PAX8: variants seen among roughly 807,000 people sequenced by gnomAD.
PAX8 encodes the protein paired box 8.
A neutral mutation model predicts 52.4 loss-of-function variants in PAX8; 15 were observed. The ratio of observed to expected loss-of-function variants is 0.29; its 90% CI spans 0.19 to 0.44. The LOEUF (loss-of-function observed/expected upper bound fraction) is 0.44. Ranked by LOEUF, PAX8 falls within the 20% of genes least tolerant of loss-of-function variation. PAX8 has a pLI of 1.00. For synonymous variants in PAX8, 284 were observed against 249.7 expected (o/e 1.14, Z -1.29); for missense variants, 554 against 602.5 (o/e 0.92, Z 0.84).
intron 10 of PAX8, among the ~76,000 whole-genome samples, chr2:113,225,391 T>C (rs964055659): frequency 3.3e-5 from 5 of 152,336 alleles, no homozygotes; most frequent in Non-Finnish European, 5.9e-5. Context: ...GAGACGGACA[T>C]AGAATTTTTC....
At chr2:113,255,692 G>A (rs73955186) in intron 2 of PAX8, 1 of 152,062 alleles carries the variant, frequency 6.6e-6, no homozygotes, top group African/African-American at 2.4e-5. Context: ...CTAGTCTTTG[G>A]AGTCTGAGCC....
intron 9 of PAX8, among the ~76,000 whole-genome samples, chr2:113,227,542 A>AATCC (rs1270701386): frequency 6.6e-6 from 1 of 152,184 alleles, no homozygotes; most frequent in East Asian, 1.9e-4. Context: ...TTATCTTATT[A>AATCC]ATCCACAAGA....
chr2:113,267,341 T>A (rs1033950259), intron 2 of PAX8: 1 of 152,208 alleles, frequency 6.6e-6, no homozygotes, highest in Non-Finnish European at 1.5e-5. Context: ...AGAGACCTAG[T>A]GGTGCTAGGG....
intron 2 of PAX8, chr2:113,266,924 T>C (rs953277061): frequency 6.6e-6 from 1 of 152,232 alleles, no homozygotes; most frequent in Non-Finnish European, 1.5e-5. Flanking sequence ...TATATAAATA[T>C]TGGTTGATCA....
At chr2:113,244,323 TC>T (rs1691133037) in intron 4 of PAX8, 103 bp downstream of exon 4, 1 of 882,598 alleles carries the variant, frequency 1.1e-6, no homozygotes, top group African/African-American at 1.6e-5. Context: ...TCAGGCCCCT[TC>T]CCGGCCTCTG....
At chr2:113,264,257 A>G (rs575396622) in intron 2 of PAX8, among the ~76,000 whole-genome samples, 1 of 152,338 alleles carries the variant, frequency 6.6e-6, no homozygotes, top group South Asian at 2.1e-4. Context: ...GCCTTCAAGC[A>G]TAGGCTTCTG....
Position 113,216,724 on chromosome 2 carries a change from G to T in PAX8, c.*1809C>A, listed in dbSNP as rs1689039803. The T allele has an allele frequency of 4.4e-6, 1 of 227,222 alleles. No individual in the cohort carries two copies. Among genetic ancestry groups the T allele is most frequent in the East Asian group, 6.3e-5 (1 of 15,858 alleles). 14.1% of individuals were successfully genotyped at this position (227,222 alleles called of 1,614,324 possible). On this transcript the variant is annotated 3_prime_UTR_variant, in exon 12 of 12. Transcript: ENST00000429538. ...CAAATCAAAAGAAATTAAATCCCCA[G>T]TGGCAGCTCCAGAACCTCCACTGGG...
chr2:113,254,263 C>G (rs1692023332), intron 2 of PAX8, among the ~76,000 whole-genome samples: 1 of 152,232 alleles, frequency 6.6e-6, no homozygotes. Flanking sequence ...GAATTGATTT[C>G]TACCTTCATG....
intron 5 of PAX8, 42 bp from the exon 6 acceptor site, chr2:113,242,172 A>T: frequency 1.3e-6 from 2 of 1,573,064 alleles, no homozygotes; most frequent in South Asian, 2.2e-5. Flanking sequence ...TGGGAGTGAC[A>T]CCCCTCACAG....
intron 2 of PAX8, among the ~76,000 whole-genome samples, chr2:113,254,419 G>A (rs936113234): frequency 2.0e-5 from 3 of 152,184 alleles, no homozygotes; most frequent in Non-Finnish European, 4.4e-5. Flanking sequence ...GAGAGAATGA[G>A]CTCAAGCTGA....
chr2:113,242,668 A>G (rs1690961927), intron 5 of PAX8, 22 bp downstream of exon 5: 4 of 1,546,426 alleles, frequency 2.6e-6, no homozygotes, highest in Non-Finnish European at 3.6e-6. Flanking sequence ...ATGTGTGTGT[A>G]TCCAGGTCTC....
In PAX8 at chr2:113,244,612, A is replaced by G; in HGVS notation, c.204T>C (p.Thr68=). ...CTATCACTCCAGGCCGGATGCTGCCAGTCTCGTAGTACCTACTCCAATAGA... is the reference window on the plus strand; with the variant it reads ...CTATCACTCCAGGCCGGATGCTGCCGGTCTCGTAGTACCTACTCCAATAGA... ...VSKILGRYYE[T]GSIRPGVIGG... The change falls in exon 4 of 12, where the codon ACT becomes ACC. Residue 68 remains threonine, a synonymous_variant. Transcript: ENST00000429538. The G allele has an allele frequency of 6.2e-7, 1 of 1,614,116 alleles. No individual in the cohort carries two copies. The highest frequency in any genetic ancestry group is 8.5e-7 in the Non-Finnish European group (1 of 1,179,946).
rs376583747 is a variant in PAX8 at position 113,248,170 on chromosome 2, G to A, written c.26-1251C>T. Among the ~76,000 whole-genome samples the A allele has an allele frequency of 1.6e-4, 25 of 152,312 alleles. No individual in the cohort carries two copies. The South Asian group carries it at 4.3e-3, about 26-fold the overall frequency. On this transcript the variant is annotated intron_variant, in intron 2 of 11. Coordinates refer to ENST00000429538, the MANE Select transcript of PAX8 (RefSeq NM_003466.4). ...GCCATACTGGGCTAATTTCAGGGCC[G>A]AGATTTCCATTTTTCTCATGAGGAG...
At chr2:113,236,492 C>G (rs1391587803) in intron 8 of PAX8, 109 bp downstream of exon 8, 1 of 1,329,210 alleles carries the variant, frequency 7.5e-7, no homozygotes, top group East Asian at 2.5e-5. Flanking sequence ...CCGGCCGGCA[C>G]AGCCCGCCTC....
intron 10 of PAX8, chr2:113,225,513 G>A (rs564942193): frequency 1.3e-5 from 2 of 152,344 alleles, no homozygotes; most frequent in African/African-American, 4.8e-5. Flanking sequence ...AACTCACTGG[G>A]AGCCCAACTG....
Position 113,236,816 on chromosome 2 carries a change from ATCTCCCC to A in PAX8, c.778-102_778-96del, listed in dbSNP as rs1452806281. 3 of 1,447,082 alleles carry A rather than the reference ATCTCCCC, an allele frequency of 2.1e-6. No homozygotes were observed. In the African/African-American group the frequency reaches 4.2e-5, roughly 20 times the overall value. 89.6% of individuals were successfully genotyped at this position (1,447,082 alleles called of 1,614,324 possible). On this transcript the variant is annotated intron_variant, in intron 7 of 11. Transcript: ENST00000429538. ...TGTGTCTTAGGACTTGGCAGCCCTC[ATCTCCCC>A]AGGAGAGGTCCTCATCGCCCCCTTC... is the stretch of plus-strand genomic sequence containing the variant.
chr2:113,229,421 T>G (rs952083328), intron 9 of PAX8, among the ~76,000 whole-genome samples: 3 of 152,246 alleles, frequency 2.0e-5, no homozygotes, highest in Non-Finnish European at 4.4e-5. Flanking sequence ...GCCAGTGAAC[T>G]CCTACAGAAT....
At chr2:113,229,014 G>A (rs1231364726) in intron 9 of PAX8, among the ~76,000 whole-genome samples, 1 of 152,176 alleles carries the variant, frequency 6.6e-6, no homozygotes, top group Non-Finnish European at 1.5e-5. Context: ...AAGCACTTGG[G>A]TATATAGCAG....
chr2:113,247,208 C>A (rs1286673956), intron 2 of PAX8, among the ~76,000 whole-genome samples: 6 of 152,356 alleles, frequency 3.9e-5, no homozygotes, highest in Admixed American at 2.6e-4. Context: ...AATCACAATC[C>A]CCTATTTTCT....
Sources: allele counts gnomAD v4.1 joint callset (sites outside exome capture counted in the v4.1 genomes callset), GRCh38; gene constraint gnomAD v4.1.1; transcripts MANE v1.5; gene names NCBI Gene and HGNC (gene_info 2026-07-23, HGNC 2026-07-21).